LCP1: variants seen among roughly 807,000 people sequenced by gnomAD.
The protein encoded by LCP1 is plastin-2.
A neutral mutation model predicts 72.0 loss-of-function variants in LCP1; 23 were observed. The observed-to-expected ratio is 0.32, with a 90% CI of 0.23 to 0.45. The LOEUF (loss-of-function observed/expected upper bound fraction) is 0.45. Among genes scored for constraint, LCP1 ranks in the 20% least tolerant of loss-of-function variants. LCP1 has a pLI of 1.00. For missense variants in LCP1, 571 were observed against 748.3 expected (o/e 0.76, Z 2.76); for synonymous variants, 245 against 275.4 (o/e 0.89, Z 1.09).
chr13:46,149,636 T>C lies in LCP1; in HGVS notation c.883-1189A>G, dbSNP rs564733694. Among the ~76,000 whole-genome samples, 5 of 152,286 alleles carry C rather than the reference T, an allele frequency of 3.3e-5. No homozygotes were observed. The East Asian group carries it at 7.7e-4, about 24-fold the overall frequency. On this transcript the variant is annotated intron_variant, in intron 8 of 15. Transcript: ENST00000323076. ...CATACACATGACAGCACGGAGTCAG[T>C]TGCCATGCAGCGGCTGCCAGAGAAC... is the stretch of plus-strand genomic sequence containing the variant.
rs1200303634 is a variant in LCP1, at chr13:46,127,495, C to A, written c.*96G>T. 1.7e-4 allele frequency: 253 copies of A among 1,488,960 alleles called. 1 individual carries two copies. Among genetic ancestry groups the A allele is most frequent in the Non-Finnish European group, 1.2e-4 (135 of 1,089,556 alleles). The allele number at this position is 1,488,960 out of a possible 1,614,324, so 92.2% of individuals were successfully genotyped here. A position where few individuals can be genotyped will look rare whatever the true frequency, so the allele number is the denominator to read the frequency against. On this transcript the variant is annotated 3_prime_UTR_variant, in exon 16 of 16. Transcript: ENST00000323076. ...TTTTTGGAATCTTATAGAGTGTCAC[C>A]AAGTTGAACTTTGGAATGGCTTGAA...
chr13:46,128,569 G>C (rs1045645041), intron 15 of LCP1, among the ~76,000 whole-genome samples: 2 of 152,016 alleles, frequency 1.3e-5, no homozygotes, highest in African/African-American at 4.8e-5. Flanking sequence ...CTGTAGTCCA[G>C]CCTGGGCAAC....
In LCP1 at chr13:46,135,743, C is replaced by CTTTTTTT. The variant is rs71074757; in HGVS notation, c.1503-1500_1503-1494dup. 3.1e-5 allele frequency among the ~76,000 whole-genome samples: 4 copies of CTTTTTTT among 130,568 alleles called. No individual in the cohort carries two copies. In the South Asian group the frequency reaches 7.5e-4, roughly 24 times the overall value. The allele number at this position is 130,568 out of a possible 152,430, so 85.7% of individuals were successfully genotyped here. On this transcript the variant is annotated intron_variant, in intron 13 of 15. Transcript: ENST00000323076. ...TTTCTGAAGTACAGTTCTGGTCTGTCTTTTTTTTTTTTTTTTTTTTAAGAG... is the reference window on the plus strand; with the variant it reads ...TTTCTGAAGTACAGTTCTGGTCTGTCTTTTTTTTTTTTTTTTTTTTTTTTTTTAAGAG...
rs201097104 is a variant in LCP1, at chr13:46,155,277, AT to A, written c.492-392del. 7.4e-3 allele frequency among the ~76,000 whole-genome samples: 1,120 copies of A among 152,314 alleles called. 9 individuals carry two copies. Among genetic ancestry groups the A allele is most frequent in the African/African-American group, 0.025 (1,026 of 41,570 alleles). The stretch of plus-strand genomic sequence containing the variant: ...AGACTGTCTACAAAATTCTGAGCTT[AT>A]TATTGTCTACATTTCTATTTGACAC... On this transcript the variant is annotated intron_variant, in intron 5 of 15. Transcript: ENST00000323076.
intron 15 of LCP1, 60 bp from the exon 16 acceptor site, chr13:46,127,783 C>T: frequency 1.9e-6 from 3 of 1,594,032 alleles, no homozygotes; most frequent in South Asian, 2.2e-5. Flanking sequence ...CGAATGGGAC[C>T]CTGGAGGGTC....
chr13:46,163,633 TAAAAAAAA>T (rs575609187), intron 1 of LCP1, among the ~76,000 whole-genome samples: 8 of 109,238 alleles, frequency 7.3e-5, no homozygotes, highest in Admixed American at 2.8e-4. Flanking sequence ...AATGATCAAT[TAAAAAAAA>T]AAAAAAAAAA....
At chr13:46,170,167 G>A (rs915535040) in intron 1 of LCP1, among the ~76,000 whole-genome samples, 4 of 152,186 alleles carry the variant, frequency 2.6e-5, no homozygotes, top group Non-Finnish European at 5.9e-5. Flanking sequence ...ATATTCTTGT[G>A]TACATACTTA....
In LCP1 at chr13:46,159,638, C is replaced by T. The variant is rs1480887007; in HGVS notation, c.25G>A (p.Glu9Lys). Residue 9 changes from glutamate to lysine, a missense_variant, in exon 2 of 16, where the codon GAG becomes AAG. Physicochemically the swap from Glu to Lys is moderately conservative, Grantham distance 56. Transcript: ENST00000323076. Reference sequence around the variant, plus strand: ...GCTTCTCTGAGCTCCATCATTTCCTCATCGGACACTGATCCTCTGGCCATT... The same window carrying T: ...GCTTCTCTGAGCTCCATCATTTCCTTATCGGACACTGATCCTCTGGCCATT... MARGSVSD[E>K]EMMELREAFA... The T allele has an allele frequency of 6.2e-7, 1 of 1,614,158 alleles. No individual in the cohort carries two copies. Among genetic ancestry groups the T allele is most frequent in the East Asian group, 2.2e-5 (1 of 44,876 alleles).
At chr13:46,156,327 C>A (rs932957610) in intron 5 of LCP1, 111 bp downstream of exon 5, 54 of 1,255,876 alleles carry the variant, frequency 4.3e-5, no homozygotes, top group Non-Finnish European at 4.6e-5. Flanking sequence ...GAAAAGCCTT[C>A]TAGGTGCAGC....
At chr13:46,128,579 C>T (rs1251462818) in intron 15 of LCP1, among the ~76,000 whole-genome samples, 1 of 151,638 alleles carries the variant, frequency 6.6e-6, no homozygotes, top group Non-Finnish European at 1.5e-5. Context: ...GCCTGGGCAA[C>T]AAAGTGAGAC....
intron 1 of LCP1, among the ~76,000 whole-genome samples, chr13:46,171,056 G>A (rs2045902290): frequency 6.6e-6 from 1 of 152,190 alleles, no homozygotes; most frequent in South Asian, 2.1e-4. Context: ...CAGAGAAAGG[G>A]CAAATAGCTA....
At chr13:46,155,250 A>T in intron 5 of LCP1, among the ~76,000 whole-genome samples, 1 of 152,312 alleles carries the variant, frequency 6.6e-6, no homozygotes, top group East Asian at 1.9e-4. Flanking sequence ...CCATTATATA[A>T]AAGACTGTCT....
intron 15 of LCP1, among the ~76,000 whole-genome samples, chr13:46,128,286 A>G (rs1012505915): frequency 4.6e-5 from 7 of 152,254 alleles, no homozygotes; most frequent in Admixed American, 1.3e-4. Context: ...ACAAGGAACA[A>G]AAGAGGAAAA....
At chr13:46,144,009 T>C (rs1326831738) in intron 11 of LCP1, among the ~76,000 whole-genome samples, 2 of 151,492 alleles carry the variant, frequency 1.3e-5, no homozygotes, top group Non-Finnish European at 2.9e-5. Context: ...GAGCTTGCAG[T>C]GAGCCGAGAT....
At chr13:46,128,374 G>A (rs910567065) in intron 15 of LCP1, among the ~76,000 whole-genome samples, 9 of 152,300 alleles carry the variant, frequency 5.9e-5, no homozygotes, top group East Asian at 5.8e-4. Context: ...CGAGGCGGGT[G>A]GATCACAAGG....
rs868239191 is a variant in LCP1 at position 46,163,648 on chromosome 13, A to C, written c.-24-3962T>G. Among the ~76,000 whole-genome samples the C allele has an allele frequency of 7.9e-3, 1,196 of 152,044 alleles. 27 individuals carry two copies. Among genetic ancestry groups the C allele is most frequent in the African/African-American group, 0.027 (1,107 of 41,420 alleles). Reference sequence around the variant, plus strand: ...AATGATCAATTAAAAAAAAAAAAAAAAAAACAATGAGTTATTAAGTATATG... The same window carrying C: ...AATGATCAATTAAAAAAAAAAAAAACAAAACAATGAGTTATTAAGTATATG... On this transcript the variant is annotated intron_variant, in intron 1 of 15. Transcript: ENST00000323076.
intron 12 of LCP1, 35 bp from the exon 13 acceptor site, chr13:46,142,460 T>TCA: frequency 6.2e-7 from 1 of 1,602,072 alleles, no homozygotes; most frequent in Non-Finnish European, 8.5e-7. Flanking sequence ...TTTAACGTCA[T>TCA]CATCTTGATT....
rs116544845 is a variant in LCP1 at position 46,157,304 on chromosome 13, G to A, written c.359-734C>T. On this transcript the variant is annotated intron_variant, in intron 4 of 15. Coordinates refer to ENST00000323076, the MANE Select transcript of LCP1 (RefSeq NM_002298.5). ...TACAAATGTGGTATAATGCTTACAG[G>A]ACAAAACTCAGGATTCCGCTTTTAG... Among the ~76,000 whole-genome samples the A allele has an allele frequency of 3.8e-3, 582 of 152,018 alleles. 3 individuals carry two copies. Among genetic ancestry groups the A allele is most frequent in the Middle Eastern group, 0.024 (7 of 294 alleles).
At position 46,145,778 on chromosome 13, in the gene LCP1, G is replaced by A. The variant is rs1055140489; in HGVS notation, c.1174+1130C>T. ...CAAAAAATTAGCCGGGCGTAGTGGC[G>A]GGCGCCTGTAGTCCCAGCTACTTGG... On this transcript the variant is annotated intron_variant, in intron 10 of 15. Transcript: ENST00000323076. Among the ~76,000 whole-genome samples the A allele has an allele frequency of 3.5e-5, 4 of 115,702 alleles. 1 individual carries two copies. The highest frequency in any genetic ancestry group is 1.5e-4 in the African/African-American group (4 of 26,142). The allele number at this position is 115,702 out of a possible 152,430, so 75.9% of individuals were successfully genotyped here.
Sources: allele counts gnomAD v4.1 joint callset (sites outside exome capture counted in the v4.1 genomes callset), GRCh38; gene constraint gnomAD v4.1.1; transcripts MANE v1.5; gene names NCBI Gene and HGNC (gene_info 2026-07-23, HGNC 2026-07-21).